ADAM12: variants seen among roughly 807,000 people sequenced by gnomAD.
ADAM12 encodes the protein ADAM metallopeptidase domain 12, also known as disintegrin and metalloproteinase domain-containing protein 12.
ADAM12 carries 70 observed loss-of-function variants against 106.4 expected under a neutral mutation model. The observed-to-expected ratio is 0.66, with a 90% CI of 0.54 to 0.80. The LOEUF (loss-of-function observed/expected upper bound fraction) is 0.80, where lower values mean the gene tolerates loss of function less well. Among genes scored for constraint, ADAM12 ranks in the 30% least tolerant of loss-of-function variants. The pLI is 0.00. For synonymous variants in ADAM12, 420 were observed against 433.5 expected, an observed-to-expected ratio of 0.97 and a Z score of 0.39; for missense variants, 1,010 against 1,171.9, an observed-to-expected ratio of 0.86 and a Z score of 2.02.
At chr10:126,329,713 C>T (rs1243875334) in intron 2 of ADAM12, among the ~76,000 whole-genome samples, 4 of 152,166 alleles carry the variant, frequency 2.6e-5, no homozygotes, top group Non-Finnish European at 5.9e-5. Flanking sequence ...TGTTCACAAT[C>T]TCAACTGCTC....
intron 11 of ADAM12, among the ~76,000 whole-genome samples, chr10:126,086,682 T>C (rs11244803): frequency 4.6e-5 from 1 of 21,734 alleles, no homozygotes; most frequent in African/African-American, 3.8e-4. Flanking sequence ...AAAAAAAAAA[T>C]ATATATATAT....
intron 14 of ADAM12, among the ~76,000 whole-genome samples, chr10:126,050,157 A>G (rs1426353741): frequency 6.6e-6 from 1 of 152,220 alleles, no homozygotes; most frequent in Non-Finnish European, 1.5e-5. Context: ...AGTCCCATAA[A>G]GCTCCCTATA....
intron 3 of ADAM12, among the ~76,000 whole-genome samples, chr10:126,209,969 C>T (rs1957869619): frequency 6.6e-6 from 1 of 152,176 alleles, no homozygotes; most frequent in Admixed American, 6.5e-5. Context: ...ACTTATTCTC[C>T]TTAATCATTT....
At chr10:126,158,426 A>G (rs71494314) in intron 3 of ADAM12, among the ~76,000 whole-genome samples, 59,072 of 95,704 alleles carry the variant, frequency 0.62, 20,990 homozygotes, top group East Asian at 0.75. Flanking sequence ...GAGGATGCAC[A>G]GAGCACGGGG....
intron 4 of ADAM12, among the ~76,000 whole-genome samples, chr10:126,146,629 C>T (rs971254148): frequency 1.3e-5 from 2 of 152,194 alleles, no homozygotes; most frequent in African/African-American, 4.8e-5. Context: ...AAGCTTTCTT[C>T]AGCACACCGG....
At chr10:126,351,463 G>A (rs1287048144) in intron 1 of ADAM12, among the ~76,000 whole-genome samples, 1 of 152,182 alleles carries the variant, frequency 6.6e-6, no homozygotes, top group Non-Finnish European at 1.5e-5. Flanking sequence ...GCCCTCTGGT[G>A]CTGGATTTCC....
intron 14 of ADAM12, among the ~76,000 whole-genome samples, chr10:126,060,185 A>G (rs1954722432): frequency 6.6e-6 from 1 of 152,276 alleles, no homozygotes; most frequent in Non-Finnish European, 1.5e-5. Flanking sequence ...TTGCTTTGCC[A>G]GTTAGAAGTT....
chr10:126,186,226 C>A (rs555853422), intron 3 of ADAM12, among the ~76,000 whole-genome samples: 2 of 152,278 alleles, frequency 1.3e-5, no homozygotes, highest in East Asian at 3.9e-4. Flanking sequence ...ATGTTGTAAT[C>A]CCCGCGGGGC....
At chr10:126,134,825 T>G (rs1050943021) in intron 5 of ADAM12, among the ~76,000 whole-genome samples, 2 of 152,226 alleles carry the variant, frequency 1.3e-5, no homozygotes, top group African/African-American at 2.4e-5. Context: ...CTCTCTTCCC[T>G]CCCATGGAAT....
At chr10:126,232,934 G>A (rs1958341083) in intron 3 of ADAM12, among the ~76,000 whole-genome samples, 1 of 152,146 alleles carries the variant, frequency 6.6e-6, no homozygotes, top group Admixed American at 6.5e-5. Context: ...TGGAGGCAGA[G>A]GAAGGAAGGA....
chr10:126,124,442 A>G (rs976150900), intron 5 of ADAM12, among the ~76,000 whole-genome samples: 3 of 152,150 alleles, frequency 2.0e-5, no homozygotes, highest in African/African-American at 7.2e-5. Flanking sequence ...CAGTCAAAAC[A>G]AATATTCTTT....
intron 2 of ADAM12, among the ~76,000 whole-genome samples, chr10:126,312,155 C>T (rs61863884): frequency 6.7e-6 from 1 of 149,634 alleles, no homozygotes; most frequent in African/African-American, 2.5e-5. Flanking sequence ...AAAAAAAACC[C>T]ACGTTTGGTG....
intron 1 of ADAM12, among the ~76,000 whole-genome samples, chr10:126,353,463 G>A (rs569564986): frequency 1.3e-5 from 2 of 152,314 alleles, no homozygotes; most frequent in South Asian, 4.1e-4. Flanking sequence ...AGGCTACTAG[G>A]CACAAAGGGA....
intron 4 of ADAM12, among the ~76,000 whole-genome samples, chr10:126,150,993 C>T (rs1176728636): frequency 2.0e-5 from 3 of 152,160 alleles, no homozygotes; most frequent in Non-Finnish European, 2.9e-5. Flanking sequence ...ATTTTGTACA[C>T]ATCTCCTATT....
intron 2 of ADAM12, among the ~76,000 whole-genome samples, chr10:126,305,494 T>C (rs1202083579): frequency 6.6e-6 from 1 of 152,070 alleles, no homozygotes; most frequent in Non-Finnish European, 1.5e-5. Context: ...AAAGGAACAC[T>C]ACAAAGGAAC....
chr10:126,071,853 G>T (rs1464809026), intron 11 of ADAM12, among the ~76,000 whole-genome samples, 199 bp from the exon 12 acceptor site: 2 of 152,162 alleles, frequency 1.3e-5, no homozygotes, highest in Non-Finnish European at 2.9e-5. Flanking sequence ...CATCCATTCC[G>T]TACAGTGCCA....
chr10:126,091,131 G>T (rs1035113689), intron 11 of ADAM12: 1 of 135,658 alleles, frequency 7.4e-6, no homozygotes, highest in African/African-American at 2.5e-5. Flanking sequence ...TTCCAGCAAT[G>T]ATGAGTAGGA....
chr10:126,103,514 G>A (rs1310149499), intron 8 of ADAM12, among the ~76,000 whole-genome samples: 1 of 152,210 alleles, frequency 6.6e-6, no homozygotes, highest in East Asian at 1.9e-4. Context: ...CTATTTTATA[G>A]TCAAAGACAC....
chr10:126,054,927 T>A (rs1377565749), intron 14 of ADAM12, among the ~76,000 whole-genome samples: 1 of 152,098 alleles, frequency 6.6e-6, no homozygotes, highest in Admixed American at 6.5e-5. Context: ...TTACCACACC[T>A]GTAACGATTC....
Sources: allele counts gnomAD v4.1 joint callset (sites outside exome capture counted in the v4.1 genomes callset), GRCh38; gene constraint gnomAD v4.1.1; transcripts MANE v1.5; gene names NCBI Gene and HGNC (gene_info 2026-07-23, HGNC 2026-07-21).